Variants in FLCN observed in about 807,000 individuals in gnomAD.
FLCN encodes folliculin.
A neutral mutation model predicts 62.5 loss-of-function variants in FLCN; 22 were observed. That is an observed-to-expected ratio of 0.35 (90% confidence interval 0.25 to 0.50). The LOEUF is 0.50. Among genes scored for constraint, FLCN ranks in the 20% least tolerant of loss-of-function variants. The pLI, the probability that FLCN is intolerant of heterozygous loss-of-function variation, is 0.97. For synonymous variants in FLCN, 319 were observed against 310.0 expected (o/e 1.03, Z -0.30); for missense variants, 657 against 778.0 (o/e 0.84, Z 1.85).
In FLCN at chr17:17,226,227, G is replaced by C. The variant is rs2145011249; in HGVS notation, c.345C>G (p.Pro115=). ...KYVSHQHPSH[P]QLFSIVRQAC... is the part of the protein sequence containing the mutation. ...CCTGGCGGACAATGCTGAAGAGCTG[G>C]GGGTGGCTGGGGTGCTGGTGGCTGA... Residue 115 remains proline, a synonymous_variant, in exon 5 of 14, where the codon CCC becomes CCG. Coordinates refer to ENST00000285071, the MANE Select transcript of FLCN (RefSeq NM_144997.7). The C allele has an allele frequency of 6.2e-7, 1 of 1,614,140 alleles. No individual in the cohort carries two copies. The highest frequency in any genetic ancestry group is 1.1e-5 in the South Asian group (1 of 91,086).
rs888293043 is a variant in FLCN, at chr17:17,212,304, C to CA, written c.*1350dup. On this transcript the variant is annotated 3_prime_UTR_variant, in exon 14 of 14. Coordinates refer to ENST00000285071, the MANE Select transcript of FLCN (RefSeq NM_144997.7). ...TTGGTCTTCATGTTAAATATAAACA[C>CA]AAAAAAACTAGAAACAAATCAGCAA... 23 of 174,382 alleles carry CA rather than the reference C, an allele frequency of 1.3e-4. No individual in the cohort carries two copies. The highest frequency in any genetic ancestry group is 2.0e-4 in the Non-Finnish European group (16 of 80,974). 10.8% of individuals were successfully genotyped at this position (174,382 alleles called of 1,614,324 possible).
At chr17:17,222,730 C>G in intron 6 of FLCN, 69 bp from the exon 7 acceptor site, 11 of 1,597,336 alleles carry the variant, frequency 6.9e-6, no homozygotes, top group African/African-American at 2.7e-5. Flanking sequence ...CCTACTCGTT[C>G]ACAGCCAACT....
intron 1 of FLCN, among the ~76,000 whole-genome samples, chr17:17,234,142 C>A (rs1282494949): frequency 6.6e-6 from 1 of 151,812 alleles, no homozygotes; most frequent in Non-Finnish European, 1.5e-5. Context: ...AGAGGGAAAC[C>A]AGAGGCAACG....
intron 6 of FLCN, 112 bp downstream of exon 6, chr17:17,223,810 G>T: frequency 9.4e-7 from 1 of 1,059,062 alleles, no homozygotes; most frequent in Non-Finnish European, 1.4e-6. Context: ...CAGTGCACTG[G>T]CTGTAAGCAG....
intron 7 of FLCN, 42 bp from the exon 8 acceptor site, chr17:17,221,670 A>G: frequency 6.3e-7 from 1 of 1,592,002 alleles, no homozygotes; most frequent in Non-Finnish European, 8.5e-7. Context: ...TCGCCAAAGG[A>G]AAAAGCAAAC....
Position 17,224,102 on chromosome 17 carries a change from C to T in FLCN, c.438G>A (p.Glu146=), listed in dbSNP as rs1436241104. 6.2e-7 allele frequency: 1 copy of T among 1,609,340 alleles called. No individual in the cohort carries two copies. The highest frequency in any genetic ancestry group is 8.5e-7 in the Non-Finnish European group (1 of 1,177,908). ...TGTGGCTGAACACAAAGCCGTGCTG[C>T]TCATCTCCGAAGAAGATGGGGCCTT... ...GREGPIFFGD[E]QHGFVFSHTF... is the part of the protein sequence containing the mutation. Residue 146 remains glutamate, a synonymous_variant, in exon 6 of 14, where the codon GAG becomes GAA. Transcript: ENST00000285071.
chr17:17,222,863 G>A (rs113713794), intron 6 of FLCN: 33 of 660,950 alleles, frequency 5.0e-5, no homozygotes, highest in Admixed American at 2.2e-4. Flanking sequence ...GGAGCTATCC[G>A]AGAACAGAAA....
In FLCN at chr17:17,213,875, A is replaced by C; in HGVS notation, c.1539-19T>G. ...CACTTTGCTGAAGAAAACCAAAACA[A>C]AACACTCAGACACCACAGCACAATC... On this transcript the variant is annotated intron_variant, in intron 13 of 13. Transcript: ENST00000285071. 2 of 1,613,308 alleles carry C rather than the reference A, an allele frequency of 1.2e-6. 1 individual carries two copies. Among genetic ancestry groups the C allele is most frequent in the Non-Finnish European group, 1.7e-6 (2 of 1,179,564 alleles).
Position 17,212,475 on chromosome 17 carries a change from TA to T in FLCN, c.*1179del, listed in dbSNP as rs397932764. 9.7e-3 allele frequency: 740 copies of T among 76,026 alleles called. 7 individuals carry two copies. The highest frequency in any genetic ancestry group is 0.035 in the Admixed American group (220 of 6,340). The allele number at this position is 76,026 out of a possible 1,614,324, so 4.7% of individuals were successfully genotyped here. On this transcript the variant is annotated 3_prime_UTR_variant, in exon 14 of 14. Transcript: ENST00000285071. Reference sequence around the variant, plus strand: ...ACGACATAGCAAGATGCCATCTCTTTAAAAAAAAAAAAAAAAAAAAAAAAAA... The same window carrying T: ...ACGACATAGCAAGATGCCATCTCTTTAAAAAAAAAAAAAAAAAAAAAAAAA...
At chr17:17,226,638 G>T (rs1030131284) in intron 4 of FLCN, among the ~76,000 whole-genome samples, 66 of 152,286 alleles carry the variant, frequency 4.3e-4, no homozygotes, top group African/African-American at 1.5e-3. Context: ...TCAGTGAGAA[G>T]CCCCATTCTA....
chr17:17,230,893 T>C (rs2047401242), intron 3 of FLCN, among the ~76,000 whole-genome samples: 1 of 150,710 alleles, frequency 6.6e-6, no homozygotes, highest in Non-Finnish European at 1.5e-5. Context: ...TGAGACTTCG[T>C]CTCGAAAAAA....
Position 17,237,126 on chromosome 17 carries a change from A to G in FLCN, c.-442T>C, listed in dbSNP as rs1265888501. The stretch of plus-strand genomic sequence containing the variant: ...TTCAGGCTCTCAGGGGAGCTGGCAG[A>G]ACCAGGAGCGACCACACTCACTCGC... On this transcript the variant is annotated 5_prime_UTR_variant, in exon 1 of 14. Coordinates refer to ENST00000285071, the MANE Select transcript of FLCN (RefSeq NM_144997.7). 2.0e-5 allele frequency: 3 copies of G among 152,210 alleles called. No homozygotes were observed. The highest frequency in any genetic ancestry group is 2.0e-4 in the Admixed American group (3 of 15,288). The allele number at this position is 152,210 out of a possible 1,614,324, so 9.4% of individuals were successfully genotyped here.
chr17:17,228,156 A>G lies in FLCN; in HGVS notation c.-19T>C, dbSNP rs2047317410. ...CATTCATGGTGCCTTGGAGACTGCA[A>G]CAGGCCTGCGTGGGACAGGGGACAT... is the stretch of plus-strand genomic sequence containing the variant. On this transcript the variant is annotated 5_prime_UTR_variant, in exon 4 of 14. Coordinates refer to ENST00000285071, the MANE Select transcript of FLCN (RefSeq NM_144997.7). The G allele has an allele frequency of 6.2e-7, 1 of 1,611,082 alleles. No individual in the cohort carries two copies. The highest frequency in any genetic ancestry group is 1.1e-5 in the South Asian group (1 of 91,044).
In FLCN at chr17:17,215,004, G is replaced by A. The variant is rs1360467783; in HGVS notation, c.1519C>T (p.Leu507Phe). ...VDVVDQCLVC[L>F]KEEWMNKVKV... ...GCTTACTTCATCCACTCCTCCTTGA[G>A]GCAGACGAGGCACTGGTCCACCACA... Residue 507 changes from leucine (L) to phenylalanine (F), a missense_variant, in exon 13 of 14, where the codon CTC becomes TTC. Transcript: ENST00000285071. The A allele has an allele frequency of 6.2e-7, 1 of 1,614,142 alleles. No homozygotes were observed. The highest frequency in any genetic ancestry group is 1.7e-5 in the Admixed American group (1 of 60,018).
Position 17,219,120 on chromosome 17 carries a change from C to T in FLCN, c.961G>A (p.Glu321Lys), listed in dbSNP as rs2047011877. The T allele has an allele frequency of 6.2e-7, 1 of 1,614,220 alleles. No homozygotes were observed. Among genetic ancestry groups the T allele is most frequent in the African/African-American group, 1.3e-5 (1 of 75,072 alleles). ...GACTCTGCCGGGCCCTGGGTCAGCT[C>T]CCGCCCTTCTGTACTCTCTGGCAAC... ...PVLPESTEGR[E>K]LTQGPAESSS... The change falls in exon 9 of 14, where the codon GAG becomes AAG. Residue 321 changes from glutamate (E) to lysine (K), a missense_variant. By Grantham distance (56) the Glu-to-Lys change is moderately conservative. Transcript: ENST00000285071.
chr17:17,227,993 C>T lies in FLCN; in HGVS notation c.145G>A (p.Glu49Lys). The change falls in exon 4 of 14, where the codon GAA becomes AAA. Residue 49 changes from glutamate (E) to lysine (K), a missense_variant. Transcript: ENST00000285071. ...PGQGEQAEEE[E>K]GGIQMNSRMR... ...CGACTGTTCATCTGAATGCCACCTT[C>T]CTCTTCTTCCGCCTGCTCACCCTGG... 6.2e-7 allele frequency: 1 copy of T among 1,614,118 alleles called. No homozygotes were observed. Among genetic ancestry groups the T allele is most frequent in the Non-Finnish European group, 8.5e-7 (1 of 1,180,044 alleles).
chr17:17,234,214 G>GTTTTT (rs1436629658), intron 1 of FLCN, among the ~76,000 whole-genome samples: 9 of 125,252 alleles, frequency 7.2e-5, no homozygotes, highest in Non-Finnish European at 3.5e-5. Context: ...TTTTTTTTTG[G>GTTTTT]TTTGTTTTTT....
chr17:17,216,340 C>T lies in FLCN; in HGVS notation c.1300+40G>A, dbSNP rs2144854742. 4 of 1,611,314 alleles carry T rather than the reference C, an allele frequency of 2.5e-6. No individual in the cohort carries two copies. The highest frequency in any genetic ancestry group is 3.4e-6 in the Non-Finnish European group (4 of 1,178,802). ...TTTGGGCCTGAGGCGTGGGGAACCT[C>T]AGCGCAGGGCATGGCCCCACAGCCC... On this transcript the variant is annotated intron_variant, in intron 11 of 13. Coordinates refer to ENST00000285071, the MANE Select transcript of FLCN (RefSeq NM_144997.7). This position sits in a 1 kb window ranked among gnomAD's most constrained non-coding sequence, Gnocchi z 4.0.
rs2046797271 is a variant in FLCN at position 17,212,860 on chromosome 17, A to C, written c.*795T>G. 1 of 230,698 alleles carries C rather than the reference A, an allele frequency of 4.3e-6. No homozygotes were observed. Among genetic ancestry groups the C allele is most frequent in the South Asian group, 1.8e-4 (1 of 5,502 alleles). 14.3% of individuals were successfully genotyped at this position (230,698 alleles called of 1,614,324 possible). A position where few individuals can be genotyped will look rare whatever the true frequency, so the allele number is the denominator to read the frequency against. ...TCCGAAAATAGTTAACTGTAACCAA[A>C]CGTAAATGTTGAAAGCAGCAATAAA... On this transcript the variant is annotated 3_prime_UTR_variant, in exon 14 of 14. Coordinates refer to ENST00000285071, the MANE Select transcript of FLCN (RefSeq NM_144997.7).
Sources: allele counts gnomAD v4.1 joint callset (sites outside exome capture counted in the v4.1 genomes callset), GRCh38; gene constraint gnomAD v4.1.1; non-coding constraint Gnocchi (gnomAD v3.1); transcripts MANE v1.5; gene names NCBI Gene and HGNC (gene_info 2026-07-23, HGNC 2026-07-21).